Variants in NYAP2 observed in about 807,000 individuals in gnomAD.
The protein encoded by NYAP2 is neuronal tyrosine-phosphorylated phosphoinositide-3-kinase adapter 2.
NYAP2 carries 23 observed loss-of-function variants against 50.4 expected under a neutral mutation model. The ratio of observed to expected loss-of-function variants is 0.46; its 90% CI spans 0.33 to 0.65. The LOEUF is 0.65. Ranked by LOEUF, NYAP2 falls within the 30% of genes least tolerant of loss-of-function variation. NYAP2 has a pLI of 0.02. For missense variants in NYAP2, 885 were observed against 861.0 expected (o/e 1.03, Z -0.35); for synonymous variants, 394 against 365.2 (o/e 1.08, Z -0.90).
At chr2:225,484,301 C>A (rs182756238) in intron 3 of NYAP2, among the ~76,000 whole-genome samples, 1 of 152,314 alleles carries the variant, frequency 6.6e-6, no homozygotes, top group African/African-American at 2.4e-5. Flanking sequence ...TCAGTGTACA[C>A]GTCCCAAATG....
In NYAP2 at chr2:225,578,901, T is replaced by C. The variant is rs1007823376; in HGVS notation, c.524-3040T>C. On this transcript the variant is annotated intron_variant, in intron 4 of 6. Coordinates refer to ENST00000636099, the Ensembl canonical transcript of NYAP2. The stretch of plus-strand genomic sequence containing the variant: ...AGAGTGGTTTAAATTAGAGAAATTT[T>C]CTCACAATTCTTGGGGCTAAACATT... Among the ~76,000 whole-genome samples the C allele has an allele frequency of 4.6e-5, 7 of 152,274 alleles. No individual in the cohort carries two copies. The South Asian group carries it at 1.5e-3, about 32-fold the overall frequency.
At chr2:225,622,708 T>C (rs1015658665) in intron 5 of NYAP2, among the ~76,000 whole-genome samples, 3 of 151,780 alleles carry the variant, frequency 2.0e-5, no homozygotes, top group African/African-American at 7.3e-5. Flanking sequence ...GCCTCCCAAG[T>C]AGCTGGGATT....
chr2:225,513,476 T>C, exon 4 of NYAP2: 1 of 1,613,986 alleles, frequency 6.2e-7, no homozygotes, highest in Non-Finnish European at 8.5e-7. Context: ...TTCCCCATCC[T>C]TGCTCCAGTG....
intron 3 of NYAP2, among the ~76,000 whole-genome samples, chr2:225,437,603 G>A (rs940015852): frequency 6.6e-6 from 1 of 152,132 alleles, no homozygotes; most frequent in African/African-American, 2.4e-5. Flanking sequence ...CAGAAAAGAA[G>A]GGCACCTCTC....
At chr2:225,638,399 G>T (rs920488012) in intron 6 of NYAP2, among the ~76,000 whole-genome samples, 1 of 152,050 alleles carries the variant, frequency 6.6e-6, no homozygotes, top group Non-Finnish European at 1.5e-5. Context: ...CTGGGTGAAT[G>T]GTCTGTGACC....
chr2:225,579,632 A>G (rs1692236294), intron 4 of NYAP2, among the ~76,000 whole-genome samples: 1 of 152,218 alleles, frequency 6.6e-6, no homozygotes, highest in Non-Finnish European at 1.5e-5. Flanking sequence ...TGTGTGGGAA[A>G]GAGAGAAGTT....
chr2:225,498,440 C>A (rs58102925), intron 3 of NYAP2, among the ~76,000 whole-genome samples: 2 of 151,444 alleles, frequency 1.3e-5, no homozygotes, highest in Non-Finnish European at 2.9e-5. Context: ...GTGGATATGA[C>A]GAGATAAGAA....
In NYAP2 at chr2:225,586,708, G is replaced by A. The variant is rs77349291; in HGVS notation, c.1618+3673G>A. Among the ~76,000 whole-genome samples, 894 of 152,078 alleles carry A rather than the reference G, an allele frequency of 5.9e-3. 12 individuals carry two copies. The highest frequency in any genetic ancestry group is 0.021 in the African/African-American group (852 of 41,450). On this transcript the variant is annotated intron_variant, in intron 5 of 6. Coordinates refer to ENST00000636099, the Ensembl canonical transcript of NYAP2. ...TGATTTGATTTTTTAGAAGATGTAGGTCACAAATGGGCCATTTCATTTTAA... is the reference window on the plus strand; with the variant it reads ...TGATTTGATTTTTTAGAAGATGTAGATCACAAATGGGCCATTTCATTTTAA...
At chr2:225,679,493 G>GTTTTTTTT in the NYAP2 span, among the ~76,000 whole-genome samples, 1 of 103,882 alleles carries the variant, frequency 9.6e-6, no homozygotes, top group Non-Finnish European at 1.8e-5. Flanking sequence ...GCTTCTAATT[G>GTTTTTTTT]TTTTTTTTTT....
chr2:225,632,016 T>A (rs1173077535), intron 6 of NYAP2, among the ~76,000 whole-genome samples: 1 of 152,054 alleles, frequency 6.6e-6, no homozygotes, highest in Non-Finnish European at 1.5e-5. Flanking sequence ...CGGGGTTTCA[T>A]CGCATTGATC....
At chr2:225,400,888 A>G (rs754835000) in exon 2 of NYAP2, 3 of 152,564 alleles carry the variant, frequency 2.0e-5, no homozygotes, top group Admixed American at 6.6e-5. Context: ...ATGCACTTTA[A>G]TTGAAGAAAC....
At chr2:225,509,399 A>T (rs986634532) in intron 3 of NYAP2, among the ~76,000 whole-genome samples, 2 of 152,010 alleles carry the variant, frequency 1.3e-5, no homozygotes, top group African/African-American at 4.8e-5. Context: ...TGGCAATGAC[A>T]CTTCTGTTTT....
chr2:225,568,957 A>C (rs1274352492), intron 4 of NYAP2, among the ~76,000 whole-genome samples: 1 of 152,238 alleles, frequency 6.6e-6, no homozygotes, highest in East Asian at 1.9e-4. Context: ...AACAAACTTT[A>C]TTTTAATGTG....
At chr2:225,694,301 C>CT in the NYAP2 span, among the ~76,000 whole-genome samples, 56 of 147,950 alleles carry the variant, frequency 3.8e-4, no homozygotes, top group African/African-American at 5.9e-4. Context: ...TTTTACACAT[C>CT]TTTTTTTTTT....
At chr2:225,591,148 C>T (rs1378342456) in intron 5 of NYAP2, among the ~76,000 whole-genome samples, 1 of 152,098 alleles carries the variant, frequency 6.6e-6, no homozygotes, top group African/African-American at 2.4e-5. Flanking sequence ...TGACTCAGAA[C>T]AAAGGTGTGC....
chr2:225,442,353 A>C (rs1689484926), intron 3 of NYAP2, among the ~76,000 whole-genome samples: 1 of 152,206 alleles, frequency 6.6e-6, no homozygotes, highest in South Asian at 2.1e-4. Context: ...TCAGCTTATT[A>C]AAATCTGAAG....
chr2:225,445,880 A>G (rs1007997615), intron 3 of NYAP2, among the ~76,000 whole-genome samples: 1 of 152,132 alleles, frequency 6.6e-6, no homozygotes, highest in African/African-American at 2.4e-5. Context: ...TTGAAAAATT[A>G]GTTTATTTAC....
chr2:225,467,142 G>A lies in NYAP2; in HGVS notation c.222-46229G>A, dbSNP rs190008573. On this transcript the variant is annotated intron_variant, in intron 3 of 6. Coordinates refer to ENST00000636099, the Ensembl canonical transcript of NYAP2. ...AGTGCTTGGGAGGAGAACATGCGCA[G>A]TGTGTTTACCGGAGTTGTACGCATA... Among the ~76,000 whole-genome samples the A allele has an allele frequency of 2.6e-5, 4 of 152,270 alleles. No homozygotes were observed. In the East Asian group the frequency reaches 7.7e-4, roughly 29 times the overall value.
chr2:225,665,807 T>TAAATA, the NYAP2 span, among the ~76,000 whole-genome samples: 38 of 20,998 alleles, frequency 1.8e-3, no homozygotes, highest in African/African-American at 6.3e-3. Context: ...AGCCTCCGTC[T>TAAATA]AAAAAAAAAA....
Sources: gnomAD v4.1 joint callset for allele counts (sites outside exome capture counted in the v4.1 genomes callset) on GRCh38, gnomAD v4.1.1 for gene constraint, MANE v1.5 for transcripts, NCBI Gene and HGNC (gene_info 2026-07-23, HGNC 2026-07-21) for gene names.